Variants in IL9R observed in about 807,000 individuals in gnomAD.
IL9R encodes the protein interleukin-9 receptor.
Under a neutral mutation model 56.3 loss-of-function variants are expected in IL9R, and 54 were observed. That is an observed-to-expected ratio of 0.96 (90% confidence interval 0.77 to 1.20). The LOEUF is 1.20. Among genes scored for constraint, IL9R ranks in the 50% most tolerant of loss-of-function variants. The pLI is 0.00. For missense variants in IL9R, 545 were observed against 629.8 expected (o/e 0.87, Z 1.44); for synonymous variants, 212 against 250.2 (o/e 0.85, Z 1.44).
At chrX:156,001,703 C>A (rs1440278205) in intron 1 of IL9R, among the ~76,000 whole-genome samples, 1 of 152,000 alleles carries the variant, frequency 6.6e-6, no homozygotes, top group African/African-American at 2.4e-5. Context: ...TATAACCAGG[C>A]TGGCCCTGCT....
intron 4 of IL9R, 91 bp downstream of exon 4, chrX:156,003,946 G>A (rs1289676898): frequency 7.6e-7 from 1 of 1,324,390 alleles, no homozygotes; most frequent in Non-Finnish European, 1.1e-6. Flanking sequence ...CAGCCTGTGA[G>A]TGGCCCAGTG....
intron 5 of IL9R, among the ~76,000 whole-genome samples, chrX:156,004,801 T>C (rs1216699073): frequency 6.6e-6 from 1 of 152,126 alleles, no homozygotes; most frequent in African/African-American, 2.4e-5. Context: ...GTGGTGAGTG[T>C]GCATGTATGT....
At position 156,003,692 on chromosome X, in the gene IL9R, C is replaced by A. The variant is rs750999902; in HGVS notation, c.270C>A (p.Gly90=). Residue 90 remains glycine (G), a synonymous_variant, in exon 4 of 9, where the codon GGC becomes GGA. Transcript: ENST00000244174. ...CCCTTTCCAGCAACCAGGCTCCTGG[C>A]GGCACACATAAGTGCATCTTGCGGG... ...WLLFTSNQAP[G]GTHKCILRGS... 4 of 1,612,962 alleles carry A rather than the reference C, an allele frequency of 2.5e-6. No homozygotes were observed. Among genetic ancestry groups the A allele is most frequent in the Non-Finnish European group, 3.4e-6 (4 of 1,179,398 alleles).
chrX:156,005,625 G>C, intron 6 of IL9R, 146 bp downstream of exon 6: 2 of 690,292 alleles, frequency 2.9e-6, no homozygotes, highest in Non-Finnish European at 5.1e-6. Flanking sequence ...TCCTCTGAAG[G>C]TCTGAGGTCT....
At chrX:156,009,248 GTGTCTGTGTGTGTGTGTT>G (rs1569479057) in intron 8 of IL9R, among the ~76,000 whole-genome samples, 27 of 94,882 alleles carry the variant, frequency 2.8e-4, no homozygotes, top group East Asian at 1.7e-3. Flanking sequence ...TGTGGTGTGT[GTGTCTGTGTGTGTGTGTT>G]TGTGTGTGTA....
At position 156,002,990 on chromosome X, in the gene IL9R, TG is replaced by T; in HGVS notation, c.116del (p.Gly39GlufsTer126). 6.2e-7 allele frequency: 1 copy of T among 1,613,878 alleles called. No homozygotes were observed. The highest frequency in any genetic ancestry group is 8.5e-7 in the Non-Finnish European group (1 of 1,179,854). On this transcript the variant is annotated frameshift_variant, in exon 2 of 9. Coordinates refer to ENST00000244174, the MANE Select transcript of IL9R (RefSeq NM_002186.3). LOFTEE classifies it high-confidence loss of function. ...ACICICTCVC[L>X]GVSVTGEGQG... The stretch of plus-strand genomic sequence containing the variant: ...ATCTGCATCTGCACCTGTGTCTGCT[TG>T]GGAGTCTCTGTCACAGGGGAAGGAC...
intron 4 of IL9R, 37 bp from the exon 5 acceptor site, chrX:156,004,383 T>C (rs1163681988): frequency 5.0e-6 from 8 of 1,612,438 alleles, no homozygotes; most frequent in Non-Finnish European, 6.8e-6. Flanking sequence ...CCCAGACCCA[T>C]GGGGCTTCAG....
chrX:156,003,347 G>A (rs2067670638), intron 2 of IL9R, 102 bp from the exon 3 acceptor site: 1 of 826,146 alleles, frequency 1.2e-6, no homozygotes, highest in Non-Finnish European at 2.1e-6. Context: ...ATTTACTGGT[G>A]ACTGCCCTGC....
In IL9R at chrX:156,004,401, T is replaced by G. The variant is rs775204612; in HGVS notation, c.434-19T>G. 8 of 1,613,566 alleles carry G rather than the reference T, an allele frequency of 5.0e-6. No individual in the cohort carries two copies. The African/African-American group carries it at 8.0e-5, about 16-fold the overall frequency. Reference sequence around the variant, plus strand: ...AGACCCATGGGGCTTCAGCCTCACATGGATTCACTCTGTTCCAGTTAAGCT... The same window carrying G: ...AGACCCATGGGGCTTCAGCCTCACAGGGATTCACTCTGTTCCAGTTAAGCT... On this transcript the variant is annotated intron_variant, in intron 4 of 8. Transcript: ENST00000244174.
At chrX:156,002,754 A>AGGACGCT (rs1349851571) in intron 1 of IL9R, 152 bp from the exon 2 acceptor site, 2 of 1,092,698 alleles carry the variant, frequency 1.8e-6, no homozygotes, top group African/African-American at 3.1e-5. Context: ...ACAGTGGTCC[A>AGGACGCT]GGACGCTGGA....
chrX:155,998,501 G>A (rs931968858), intron 1 of IL9R, among the ~76,000 whole-genome samples: 10 of 152,084 alleles, frequency 6.6e-5, no homozygotes, highest in Non-Finnish European at 1.3e-4. Context: ...TGTGATTTAT[G>A]CTGTTCTGGG....
chrX:156,000,130 C>T (rs907366893), intron 1 of IL9R, among the ~76,000 whole-genome samples: 15 of 108,504 alleles, frequency 1.4e-4, no homozygotes, highest in African/African-American at 6.0e-4. Flanking sequence ...AGCGAGACTC[C>T]GTCTAAAAAA....
intron 8 of IL9R, among the ~76,000 whole-genome samples, chrX:156,009,236 C>CT (rs2068275002): frequency 7.5e-6 from 1 of 133,746 alleles, no homozygotes; most frequent in Non-Finnish European, 1.6e-5. Flanking sequence ...TGTGTGTGTT[C>CT]GTGTGGTGTG....
intron 1 of IL9R, among the ~76,000 whole-genome samples, chrX:156,001,840 C>T (rs941058897): frequency 6.6e-6 from 1 of 152,166 alleles, no homozygotes; most frequent in African/African-American, 2.4e-5. Flanking sequence ...TCTGGCTCCC[C>T]TAGGGATCCT....
At position 156,002,887 on chromosome X, in the gene IL9R, T is replaced by C. The variant is rs776189955; in HGVS notation, c.29-19T>C. On this transcript the variant is annotated intron_variant, in intron 1 of 8. Transcript: ENST00000244174. Reference sequence around the variant, plus strand: ...GAGAGGGATGATTTGCACAGGGCCCTCAGCCCAGTCCCTTGCAGGCTGGAC... The same window carrying C: ...GAGAGGGATGATTTGCACAGGGCCCCCAGCCCAGTCCCTTGCAGGCTGGAC... 1.1e-5 allele frequency: 17 copies of C among 1,613,452 alleles called. No individual in the cohort carries two copies. Among genetic ancestry groups the C allele is most frequent in the Middle Eastern group, 1.7e-4 (1 of 5,790 alleles).
chrX:156,006,068 C>A lies in IL9R; in HGVS notation c.782-15C>A. On this transcript the variant is annotated splice_polypyrimidine_tract_variant and intron_variant, in intron 6 of 8. Transcript: ENST00000244174. ...ACTGAGGCTGCTCACAGCCCTGGGCCCTTCCTGTCCACAGGCCCTCTGATC... is the reference window on the plus strand; with the variant it reads ...ACTGAGGCTGCTCACAGCCCTGGGCACTTCCTGTCCACAGGCCCTCTGATC... 2 of 1,550,030 alleles carry A rather than the reference C, an allele frequency of 1.3e-6. No individual in the cohort carries two copies. Among genetic ancestry groups the A allele is most frequent in the South Asian group, 2.2e-5 (2 of 89,834 alleles).
chrX:156,002,359 T>A (rs2067590499), intron 1 of IL9R, among the ~76,000 whole-genome samples: 2 of 151,586 alleles, frequency 1.3e-5, no homozygotes, highest in Non-Finnish European at 2.9e-5. Flanking sequence ...AAAAAAAAAA[T>A]TTGCTTAGAA....
intron 6 of IL9R, 62 bp downstream of exon 6, chrX:156,005,541 T>A: frequency 7.1e-7 from 1 of 1,407,504 alleles, no homozygotes; most frequent in Non-Finnish European, 1.0e-6. Flanking sequence ...TTCTCCCCTG[T>A]TCACCTCAGC....
At chrX:156,004,690 T>C (rs1403084257) in intron 5 of IL9R, 125 bp downstream of exon 5, 2 of 951,940 alleles carry the variant, frequency 2.1e-6, no homozygotes, top group African/African-American at 3.3e-5. Flanking sequence ...TAGAGCGGGG[T>C]GTGTGTGCAC....
Sources: allele counts gnomAD v4.1 joint callset (sites outside exome capture counted in the v4.1 genomes callset), GRCh38; gene constraint gnomAD v4.1.1; transcripts MANE v1.5; gene names NCBI Gene and HGNC (gene_info 2026-07-23, HGNC 2026-07-21).